RAB18: variants seen among roughly 807,000 people sequenced by gnomAD.
RAB18 encodes the protein ras-related protein Rab-18.
In RAB18, 10 loss-of-function variants were observed where a neutral mutation model predicts 28.5. The observed-to-expected ratio is 0.35, with a 90% CI of 0.22 to 0.60. The LOEUF (loss-of-function observed/expected upper bound fraction) is 0.60. Among genes scored for constraint, RAB18 ranks in the 20% least tolerant of loss-of-function variants. The pLI is 0.78. For missense variants in RAB18, 188 were observed against 244.2 expected (o/e 0.77, Z 1.53); for synonymous variants, 93 against 86.9 (o/e 1.07, Z -0.39).
Position 27,541,389 on chromosome 10 carries a change from A to G in RAB18, c.*3338A>G, listed in dbSNP as rs1477435477. On this transcript the variant is annotated 3_prime_UTR_variant, in exon 7 of 7. Coordinates refer to ENST00000356940, the MANE Select transcript of RAB18 (RefSeq NM_021252.5). ...TTTCTCTCCTCAGTTGGGAACATCT[A>G]TCATGCTGGAGGACTACTGTGATGG... is the stretch of plus-strand genomic sequence containing the variant. The G allele has an allele frequency of 8.8e-6, 4 of 452,498 alleles. No individual in the cohort carries two copies. Among genetic ancestry groups the G allele is most frequent in the Admixed American group, 2.4e-5 (1 of 42,418 alleles). 28.0% of individuals were successfully genotyped at this position (452,498 alleles called of 1,614,324 possible).
chr10:27,519,441 A>T (rs1055768579), intron 2 of RAB18, among the ~76,000 whole-genome samples: 2 of 152,134 alleles, frequency 1.3e-5, no homozygotes, highest in Non-Finnish European at 1.5e-5. Flanking sequence ...GGGCAGTAAG[A>T]CAAGAAATGC....
At chr10:27,525,380 G>A (rs1834651031) in intron 2 of RAB18, among the ~76,000 whole-genome samples, 1 of 149,262 alleles carries the variant, frequency 6.7e-6, no homozygotes, top group Non-Finnish European at 1.5e-5. Flanking sequence ...CCTGCACCAA[G>A]TCAGAACCAT....
At chr10:27,532,359 C>T (rs930146201) in intron 3 of RAB18, 148 bp from the exon 4 acceptor site, 17 of 569,178 alleles carry the variant, frequency 3.0e-5, no homozygotes, top group African/African-American at 3.9e-5. Context: ...TGTCAGTAAG[C>T]GAACACATCT....
In RAB18 at chr10:27,504,320, G is replaced by A; in HGVS notation, c.-50G>A. The A allele has an allele frequency of 5.2e-6, 8 of 1,541,990 alleles. No individual in the cohort carries two copies. Among genetic ancestry groups the A allele is most frequent in the Non-Finnish European group, 6.1e-6 (7 of 1,139,708 alleles). On this transcript the variant is annotated 5_prime_UTR_variant, in exon 1 of 7. Coordinates refer to ENST00000356940, the MANE Select transcript of RAB18 (RefSeq NM_021252.5). The stretch of plus-strand genomic sequence containing the variant: ...CAGCAGCTCACTCTGCTGAAGGGCT[G>A]AGAGGCGCACCCGGGCGGCCAGCTG...
intron 1 of RAB18, among the ~76,000 whole-genome samples, chr10:27,505,356 G>A (rs1431323098): frequency 6.6e-6 from 1 of 152,072 alleles, no homozygotes; most frequent in Admixed American, 6.5e-5. Flanking sequence ...GCTGTAATCA[G>A]TTTCATATTT....
At chr10:27,505,387 C>T (rs1037179847) in intron 1 of RAB18, among the ~76,000 whole-genome samples, 4 of 152,124 alleles carry the variant, frequency 2.6e-5, no homozygotes, top group African/African-American at 4.8e-5. Context: ...TTCTGATACA[C>T]GTATCTTTCA....
At position 27,535,684 on chromosome 10, in the gene RAB18, G is replaced by A. The variant is rs142932091; in HGVS notation, c.445+1690G>A. On this transcript the variant is annotated intron_variant, in intron 6 of 6. Transcript: ENST00000356940. Reference sequence around the variant, plus strand: ...CAGTGGCCCAGATGAAGGAAGAAGCGGTTTGACTGTGTAGCCGTAGAGGGT... The same window carrying A: ...CAGTGGCCCAGATGAAGGAAGAAGCAGTTTGACTGTGTAGCCGTAGAGGGT... Among the ~76,000 whole-genome samples, 1,502 of 152,236 alleles carry A rather than the reference G, an allele frequency of 9.9e-3. 11 individuals are homozygous for A. Among genetic ancestry groups the A allele is most frequent in the Non-Finnish European group, 0.016 (1,061 of 68,006 alleles).
At chr10:27,517,743 A>G (rs1834466779) in intron 2 of RAB18, among the ~76,000 whole-genome samples, 1 of 152,176 alleles carries the variant, frequency 6.6e-6, no homozygotes, top group Non-Finnish European at 1.5e-5. Context: ...TTTTTAACAT[A>G]TGTATTAAAA....
At chr10:27,512,162 T>C (rs2138976529) in intron 2 of RAB18, among the ~76,000 whole-genome samples, 1 of 152,212 alleles carries the variant, frequency 6.6e-6, no homozygotes, top group South Asian at 2.1e-4. Context: ...TTCAATAAAT[T>C]AGGCATTACT....
At chr10:27,536,263 G>A (rs1834897626) in intron 6 of RAB18, among the ~76,000 whole-genome samples, 1 of 152,162 alleles carries the variant, frequency 6.6e-6, no homozygotes, top group African/African-American at 2.4e-5. Flanking sequence ...GATAACCGGT[G>A]GACATGGTGG....
At chr10:27,520,510 T>G (rs1350232960) in intron 2 of RAB18, among the ~76,000 whole-genome samples, 1 of 152,212 alleles carries the variant, frequency 6.6e-6, no homozygotes, top group Non-Finnish European at 1.5e-5. Flanking sequence ...TATTTATTAC[T>G]TCTGCCCTGC....
rs775089451 is a variant in RAB18 at position 27,539,870 on chromosome 10, T to G, written c.*1819T>G. ...AAGTATATACATTTCCCTATTACTC[T>G]CATCAGCTGAAGAATATGTACTATT... On this transcript the variant is annotated 3_prime_UTR_variant, in exon 7 of 7. Transcript: ENST00000356940. 1 of 453,930 alleles carries G rather than the reference T, an allele frequency of 2.2e-6. No individual in the cohort carries two copies. The allele number at this position is 453,930 out of a possible 1,614,324, so 28.1% of individuals were successfully genotyped here.
chr10:27,515,132 G>T (rs1178711792), intron 2 of RAB18, among the ~76,000 whole-genome samples: 1 of 152,088 alleles, frequency 6.6e-6, no homozygotes, highest in African/African-American at 2.4e-5. Flanking sequence ...TTTGATAAAA[G>T]ATAGTATTAG....
At chr10:27,510,060 T>C in intron 2 of RAB18, 130 bp downstream of exon 2, 2 of 736,994 alleles carry the variant, frequency 2.7e-6, no homozygotes, top group South Asian at 3.0e-5. Context: ...TTATTTGTCC[T>C]TCAAGACTTA....
At chr10:27,516,147 G>C (rs1834433741) in intron 2 of RAB18, among the ~76,000 whole-genome samples, 2 of 151,768 alleles carry the variant, frequency 1.3e-5, no homozygotes, top group African/African-American at 4.8e-5. Flanking sequence ...CTTATTCTTT[G>C]TTAAAGATGT....
intron 3 of RAB18, chr10:27,527,094 G>T: frequency 1.5e-6 from 1 of 682,722 alleles, no homozygotes; most frequent in Non-Finnish European, 2.7e-6. Flanking sequence ...TTTTCACAAT[G>T]CATAATTCTT....
chr10:27,535,033 G>A (rs983086311), intron 6 of RAB18, among the ~76,000 whole-genome samples: 3 of 152,164 alleles, frequency 2.0e-5, no homozygotes, highest in Non-Finnish European at 4.4e-5. Context: ...ACTTAAATAA[G>A]TAAGTAGTGC....
rs778051423 is a variant in RAB18 at position 27,533,860 on chromosome 10, A to G, written c.378+7A>G. The G allele has an allele frequency of 6.2e-7, 1 of 1,611,790 alleles. No individual in the cohort carries two copies. The highest frequency in any genetic ancestry group is 8.5e-7 in the Non-Finnish European group (1 of 1,177,938). The stretch of plus-strand genomic sequence containing the variant: ...TGGAAATAAAATCGATAAGGTAAGA[A>G]GGCAGACACTTGGCATTTTGGTTCT... On this transcript the variant is annotated splice_region_variant and intron_variant, in intron 5 of 6. Transcript: ENST00000356940.
At chr10:27,536,092 AAAG>A (rs1834894764) in intron 6 of RAB18, among the ~76,000 whole-genome samples, 1 of 151,594 alleles carries the variant, frequency 6.6e-6, no homozygotes, top group Non-Finnish European at 1.5e-5. Context: ...AAAAAAAAAA[AAAG>A]AGAGCAATCA....
Sources: gnomAD v4.1 joint callset for allele counts (sites outside exome capture counted in the v4.1 genomes callset) on GRCh38, gnomAD v4.1.1 for gene constraint, MANE v1.5 for transcripts, NCBI Gene and HGNC (gene_info 2026-07-23, HGNC 2026-07-21) for gene names.